ZFYVE9: variants seen among roughly 807,000 people sequenced by gnomAD.
The protein encoded by ZFYVE9 is zinc finger FYVE-type containing 9.
A neutral mutation model predicts 126.7 loss-of-function variants in ZFYVE9; 43 were observed. The ratio of observed to expected loss-of-function variants is 0.34; its 90% confidence interval spans 0.27 to 0.44. ZFYVE9 has a LOEUF of 0.44. Ranked by LOEUF, ZFYVE9 falls within the 20% of genes least tolerant of loss-of-function variation. ZFYVE9 has a pLI of 1.00. For synonymous variants in ZFYVE9, 521 were observed against 597.4 expected, an observed-to-expected ratio of 0.87 and a Z score of 1.87; for missense variants, 1,476 against 1,697.0, an observed-to-expected ratio of 0.87 and a Z score of 2.29.
At chr1:52,321,657 G>A (rs539440379) in intron 13 of ZFYVE9, among the ~76,000 whole-genome samples, 1 of 152,222 alleles carries the variant, frequency 6.6e-6, no homozygotes, top group Admixed American at 6.5e-5. Context: ...TGGACTTCTA[G>A]TCAAACTCCT....
intron 13 of ZFYVE9, among the ~76,000 whole-genome samples, chr1:52,311,453 CAG>C (rs1646136433): frequency 6.6e-6 from 1 of 152,000 alleles, no homozygotes; most frequent in African/African-American, 2.4e-5. Context: ...TTGGTAGAGA[CAG>C]GGTTTCACCA....
In ZFYVE9 at chr1:52,346,233, T is replaced by A. The variant is rs760738182; in HGVS notation, c.*12T>A. 4 of 1,567,988 alleles carry A rather than the reference T, an allele frequency of 2.6e-6. No homozygotes were observed. The highest frequency in any genetic ancestry group is 2.3e-5 in the South Asian group (2 of 87,500). On this transcript the variant is annotated 3_prime_UTR_variant, in exon 19 of 19. Transcript: ENST00000287727. ...AAAACATCGTATAAACAGAGAAGAC[T>A]TCATTTTTTTCTGTTCAGACTTGTT...
chr1:52,163,586 G>A (rs762778869), intron 1 of ZFYVE9, among the ~76,000 whole-genome samples: 6 of 152,106 alleles, frequency 3.9e-5, no homozygotes, highest in Non-Finnish European at 7.4e-5. Flanking sequence ...TAGATCTTTC[G>A]AATACTGATT....
At chr1:52,156,761 C>A (rs1462373098) in intron 1 of ZFYVE9, among the ~76,000 whole-genome samples, 1 of 152,110 alleles carries the variant, frequency 6.6e-6, no homozygotes, top group Admixed American at 6.5e-5. Context: ...TTTCTGTATA[C>A]CAATATCAAG....
At chr1:52,215,983 A>G (rs780375949) in intron 1 of ZFYVE9, among the ~76,000 whole-genome samples, 8 of 152,182 alleles carry the variant, frequency 5.3e-5, no homozygotes, top group Non-Finnish European at 1.0e-4. Context: ...ATCACACTAG[A>G]AGGACATTCT....
Position 52,334,578 on chromosome 1 carries a change from T to C in ZFYVE9, c.3590-110T>C. On this transcript the variant is annotated intron_variant, in intron 14 of 18. Coordinates refer to ENST00000287727, the MANE Select transcript of ZFYVE9 (RefSeq NM_004799.4). ...GGAATATAGATTTGATTTTTTAAAA[T>C]TTTCTGTGTGATGATGGTCGGAATT... 3 of 1,132,808 alleles carry C rather than the reference T, an allele frequency of 2.6e-6. No homozygotes were observed. The South Asian group carries it at 4.2e-5, about 16-fold the overall frequency. The allele number at this position is 1,132,808 out of a possible 1,614,324, so 70.2% of individuals were successfully genotyped here.
intron 1 of ZFYVE9, among the ~76,000 whole-genome samples, chr1:52,178,140 G>T (rs560448006): frequency 4.7e-4 from 72 of 151,618 alleles, no homozygotes; most frequent in African/African-American, 1.6e-3. Context: ...TTAGCTGGGT[G>T]TGGTGGCTGG....
At chr1:52,249,891 G>A (rs1179823286) in intron 4 of ZFYVE9, among the ~76,000 whole-genome samples, 1 of 152,134 alleles carries the variant, frequency 6.6e-6, no homozygotes, top group Non-Finnish European at 1.5e-5. Flanking sequence ...CCTATGGAAT[G>A]GTTTTGGCAC....
chr1:52,272,518 A>G (rs1211534818), intron 7 of ZFYVE9, among the ~76,000 whole-genome samples: 1 of 152,200 alleles, frequency 6.6e-6, no homozygotes, highest in East Asian at 1.9e-4. Flanking sequence ...TAATATTATG[A>G]GATTTATCCA....
rs1178428759 is a variant in ZFYVE9 at position 52,142,312 on chromosome 1, G to A, written c.-234G>A. On this transcript the variant is annotated 5_prime_UTR_variant, in exon 1 of 19. Transcript: ENST00000287727. The surrounding 1 kb of genome is among the most constrained non-coding windows in gnomAD (Gnocchi z 4.5). ...CAGGAGTGGGAGGTTTCGCGGCGGCGCCTGGGGCCGCGCCGGTGCCCTCCG... is the reference window on the plus strand; with the variant it reads ...CAGGAGTGGGAGGTTTCGCGGCGGCACCTGGGGCCGCGCCGGTGCCCTCCG... 1.3e-5 allele frequency: 2 copies of A among 151,820 alleles called. No individual in the cohort carries two copies. The highest frequency in any genetic ancestry group is 1.9e-4 in the East Asian group (1 of 5,144). The allele number at this position is 151,820 out of a possible 1,614,324, so 9.4% of individuals were successfully genotyped here.
chr1:52,190,515 T>A (rs1644806942), intron 1 of ZFYVE9, among the ~76,000 whole-genome samples: 1 of 152,226 alleles, frequency 6.6e-6, no homozygotes, highest in Non-Finnish European at 1.5e-5. Context: ...AATGTTTCTG[T>A]CTCATGTGCT....
intron 17 of ZFYVE9, among the ~76,000 whole-genome samples, chr1:52,340,985 C>A (rs1364458596): frequency 2.0e-5 from 3 of 149,794 alleles, no homozygotes; most frequent in Admixed American, 2.0e-4. Context: ...TTGAGGGAGA[C>A]CAAGGTGAGC....
intron 12 of ZFYVE9, among the ~76,000 whole-genome samples, chr1:52,297,136 G>GCC (rs1645984616): frequency 1.3e-5 from 2 of 152,080 alleles, no homozygotes; most frequent in South Asian, 4.1e-4. Context: ...AAACTACCTT[G>GCC]CCCTGGTTGA....
At chr1:52,241,879 A>G (rs1167676578) in intron 4 of ZFYVE9, among the ~76,000 whole-genome samples, 1 of 152,184 alleles carries the variant, frequency 6.6e-6, no homozygotes, top group Non-Finnish European at 1.5e-5. Flanking sequence ...CCATTTCAGT[A>G]GAAATTAAGC....
chr1:52,284,005 A>G (rs1220801414), intron 10 of ZFYVE9, among the ~76,000 whole-genome samples: 1 of 152,208 alleles, frequency 6.6e-6, no homozygotes, highest in African/African-American at 2.4e-5. Flanking sequence ...TCAATTCAGT[A>G]GGATTTGGTA....
At chr1:52,277,345 A>G (rs1645757788) in intron 8 of ZFYVE9, among the ~76,000 whole-genome samples, 5 of 152,200 alleles carry the variant, frequency 3.3e-5, no homozygotes, top group Admixed American at 2.0e-4. Flanking sequence ...AAAAAGAGTC[A>G]GATTGTTGGA....
intron 4 of ZFYVE9, among the ~76,000 whole-genome samples, chr1:52,250,847 C>A (rs965076657): frequency 2.6e-5 from 4 of 151,650 alleles, no homozygotes; most frequent in Non-Finnish European, 4.4e-5. Flanking sequence ...GTAGCTGGGA[C>A]TAACAGGCGT....
At position 52,233,238 on chromosome 1, in the gene ZFYVE9, A is replaced by G. The variant is rs1432490223; in HGVS notation, c.32A>G (p.Asn11Ser). The change falls in exon 3 of 19, where the codon AAC becomes AGC. Residue 11 changes from asparagine (N) to serine (S), a missense_variant. Around this residue, in one of 2 missense-constraint regions of ZFYVE9, gnomAD observed 807 missense variants for 794.6 expected, o/e 1.02. Transcript: ENST00000287727. ...AATTACTTCCAAGCAGAAGCTTACA[A>G]CCTGGACAAGGTGTTAGATGAATTT... Reference protein sequence around the residue: MENYFQAEAYNLDKVLDEFEQ... With the variant: MENYFQAEAYSLDKVLDEFEQ... The G allele has an allele frequency of 6.3e-6, 10 of 1,586,920 alleles. No individual in the cohort carries two copies. The highest frequency in any genetic ancestry group is 1.7e-4 in the Middle Eastern group (1 of 5,942).
chr1:52,343,132 C>T (rs922598332), intron 17 of ZFYVE9, among the ~76,000 whole-genome samples: 18 of 151,484 alleles, frequency 1.2e-4, no homozygotes, highest in Non-Finnish European at 1.9e-4. Flanking sequence ...CCGTGTTAGC[C>T]AGGATGATCT....
Sources: allele counts gnomAD v4.1 joint callset (sites outside exome capture counted in the v4.1 genomes callset), GRCh38; gene constraint gnomAD v4.1.1; regional missense constraint gnomAD v4.1.1; non-coding constraint Gnocchi (gnomAD v3.1); transcripts MANE v1.5; gene names NCBI Gene and HGNC (gene_info 2026-07-23, HGNC 2026-07-21).